CRY1: variants seen among roughly 807,000 people sequenced by gnomAD.
CRY1 encodes the protein cryptochrome circadian regulator 1.
CRY1 carries 45 observed loss-of-function variants against 76.0 expected under a neutral mutation model. That is an observed-to-expected ratio of 0.59 (90% CI 0.47 to 0.76). CRY1 has a LOEUF of 0.76. Ranked by LOEUF, CRY1 falls within the 30% of genes least tolerant of loss-of-function variation. The pLI, the probability that CRY1 is intolerant of heterozygous loss-of-function variation, is 0.00. For missense variants in CRY1, 587 were observed against 716.4 expected (o/e 0.82, Z 2.06); for synonymous variants, 248 against 244.0 (o/e 1.02, Z -0.15).
chr12:107,008,632 GT>G (rs1203511311), intron 2 of CRY1, among the ~76,000 whole-genome samples: 3 of 152,088 alleles, frequency 2.0e-5, no homozygotes, highest in Non-Finnish European at 4.4e-5. Flanking sequence ...AAGATTTTAT[GT>G]TTTTTTGTAG....
At chr12:107,091,559 T>G (rs1442883700) in intron 1 of CRY1, among the ~76,000 whole-genome samples, 1 of 152,208 alleles carries the variant, frequency 6.6e-6, no homozygotes, top group Non-Finnish European at 1.5e-5. Context: ...AGAAAAATTC[T>G]TTTCCAAACT....
At chr12:107,069,611 T>C (rs1211735624) in intron 1 of CRY1, among the ~76,000 whole-genome samples, 2 of 40,774 alleles carry the variant, frequency 4.9e-5, no homozygotes, top group Non-Finnish European at 1.6e-4. Flanking sequence ...AGTATATATA[T>C]AAAAAGTATA....
chr12:107,043,509 G>A (rs988126441), intron 1 of CRY1, among the ~76,000 whole-genome samples: 8 of 152,144 alleles, frequency 5.3e-5, no homozygotes, highest in Admixed American at 1.3e-4. Flanking sequence ...TGGCTGAGCC[G>A]AGCAGCTGCA....
chr12:106,999,173 G>A (rs973868029), intron 7 of CRY1, among the ~76,000 whole-genome samples: 5 of 151,526 alleles, frequency 3.3e-5, no homozygotes, highest in African/African-American at 1.2e-4. Context: ...GAGGTGAAAT[G>A]ATTTATATTT....
At chr12:107,082,306 A>C (rs1000292383) in intron 1 of CRY1, among the ~76,000 whole-genome samples, 14 of 152,144 alleles carry the variant, frequency 9.2e-5, no homozygotes, top group Non-Finnish European at 2.1e-4. Flanking sequence ...AAAATTAAGA[A>C]GGATATTCAG....
chr12:107,082,922 A>C (rs1194636600), intron 1 of CRY1, among the ~76,000 whole-genome samples: 1 of 152,140 alleles, frequency 6.6e-6, no homozygotes, highest in East Asian at 1.9e-4. Context: ...TTTTTTGAAA[A>C]GATTAACAAA....
At chr12:106,999,440 C>T in intron 7 of CRY1, 111 bp downstream of exon 7, 2 of 1,017,730 alleles carry the variant, frequency 2.0e-6, no homozygotes, top group Non-Finnish European at 2.8e-6. Context: ...GTTTTATCCA[C>T]TGAAAAACTA....
Position 107,026,164 on chromosome 12 carries a change from T to TATTATATATATATATTAC in CRY1, c.159-3973_159-3972insGTAATATATATATATAAT, listed in dbSNP as rs1565829203. ...ATATTACATATATATATAAAATATA[T>TATTATATATATATATTAC]ATATATATATTACATATATATATAA... On this transcript the variant is annotated intron_variant, in intron 1 of 12. Transcript: ENST00000008527. Among the ~76,000 whole-genome samples the TATTATATATATATATTAC allele has an allele frequency of 2.4e-4, 5 of 20,942 alleles. No individual in the cohort carries two copies. In the East Asian group the frequency reaches 0.14, roughly 582 times the overall value. 13.7% of individuals were successfully genotyped at this position (20,942 alleles called of 152,430 possible). A position where few individuals can be genotyped will look rare whatever the true frequency, so the allele number is the denominator to read the frequency against.
At chr12:107,046,292 C>T (rs1308337652) in intron 1 of CRY1, among the ~76,000 whole-genome samples, 1 of 145,866 alleles carries the variant, frequency 6.9e-6, no homozygotes, top group Non-Finnish European at 1.5e-5. Context: ...GACTTTGCCT[C>T]AAAAAAAAAA....
At chr12:106,997,424 A>G (rs774598222) in intron 9 of CRY1, 38 bp from the exon 10 acceptor site, 1 of 1,612,040 alleles carries the variant, frequency 6.2e-7, no homozygotes, top group South Asian at 1.1e-5. Flanking sequence ...ATTATGATCA[A>G]GATAAAATTC....
At chr12:107,021,000 A>G (rs1952550590) in intron 2 of CRY1, among the ~76,000 whole-genome samples, 1 of 152,192 alleles carries the variant, frequency 6.6e-6, no homozygotes, top group Admixed American at 6.5e-5. Context: ...AAAGCACTAC[A>G]GTGCTGGGCG....
chr12:107,036,125 C>T (rs904078266), intron 1 of CRY1, among the ~76,000 whole-genome samples: 2 of 152,208 alleles, frequency 1.3e-5, no homozygotes, highest in Non-Finnish European at 2.9e-5. Context: ...GGGAAACATA[C>T]AGGGCTTTAC....
chr12:107,065,767 T>C (rs1286366301), intron 1 of CRY1, among the ~76,000 whole-genome samples: 1 of 152,150 alleles, frequency 6.6e-6, no homozygotes, highest in Non-Finnish European at 1.5e-5. Context: ...TTGCCCAAAA[T>C]GAGACACTTA....
In CRY1 at chr12:107,001,994, T is replaced by C. The variant is rs544176479; in HGVS notation, c.411-46A>G. 1.7e-5 allele frequency: 25 copies of C among 1,494,296 alleles called. No homozygotes were observed. In the South Asian group the frequency reaches 2.6e-4, roughly 15 times the overall value. The allele number at this position is 1,494,296 out of a possible 1,614,324, so 92.6% of individuals were successfully genotyped here. ...ATGTAGTTAGTATTAAAAAAGACAA[T>C]ACATTTTGGCTAATAAGCTCCCAAA... On this transcript the variant is annotated intron_variant, in intron 3 of 12. Transcript: ENST00000008527.
intron 1 of CRY1, among the ~76,000 whole-genome samples, chr12:107,068,430 G>A (rs1452626182): frequency 6.6e-6 from 1 of 151,972 alleles, no homozygotes; most frequent in Non-Finnish European, 1.5e-5. Flanking sequence ...TGAGTAGCTG[G>A]GACTACAGGT....
intron 1 of CRY1, among the ~76,000 whole-genome samples, chr12:107,083,629 C>CA (rs1953356541): frequency 6.6e-6 from 1 of 152,086 alleles, no homozygotes; most frequent in Non-Finnish European, 1.5e-5. Context: ...AGGCCTTGGA[C>CA]AAAATTCAAC....
chr12:107,054,555 C>T (rs7299594), intron 1 of CRY1, among the ~76,000 whole-genome samples: 93,475 of 150,172 alleles, frequency 0.62, 29,455 homozygotes, highest in East Asian at 0.95. Flanking sequence ...AACAGACTAA[C>T]GAAAGGCTTC....
chr12:107,029,328 T>C (rs1380383438), intron 1 of CRY1, among the ~76,000 whole-genome samples: 1 of 152,192 alleles, frequency 6.6e-6, no homozygotes, highest in Admixed American at 6.5e-5. Flanking sequence ...CAGGGGCTCA[T>C]GCCTGTAATC....
intron 1 of CRY1, among the ~76,000 whole-genome samples, chr12:107,026,196 ACCT>A (rs1952614513): frequency 3.6e-5 from 1 of 28,052 alleles, no homozygotes; most frequent in Non-Finnish European, 6.5e-5. Flanking sequence ...ATAAAATAAA[ACCT>A]CCTCCTAATG....
Sources: gnomAD v4.1 joint callset for allele counts (sites outside exome capture counted in the v4.1 genomes callset) on GRCh38, gnomAD v4.1.1 for gene constraint, MANE v1.5 for transcripts, NCBI Gene and HGNC (gene_info 2026-07-23, HGNC 2026-07-21) for gene names.